The following RAB10 variants were observed in gnomAD, a reference collection of about 807,000 sequenced individuals.
RAB10 encodes the protein ras-related protein Rab-10.
A neutral mutation model predicts 25.7 loss-of-function variants in RAB10; 5 were observed. The observed-to-expected ratio is 0.19, with a 90% CI of 0.10 to 0.41. The LOEUF (loss-of-function observed/expected upper bound fraction) is 0.41. Among genes scored for constraint, RAB10 ranks in the 10% least tolerant of loss-of-function variants. RAB10 has a pLI of 1.00. For missense variants in RAB10, 103 were observed against 245.8 expected, an observed-to-expected ratio of 0.42 and a Z score of 3.89; for synonymous variants, 89 against 86.4, an observed-to-expected ratio of 1.03 and a Z score of -0.16.
chr2:26,070,936 A>G (rs1666612061), intron 1 of RAB10, among the ~76,000 whole-genome samples: 2 of 152,098 alleles, frequency 1.3e-5, no homozygotes, highest in South Asian at 2.1e-4. Flanking sequence ...CTTTTTCACT[A>G]TGTTGATGCT....
intron 1 of RAB10, among the ~76,000 whole-genome samples, chr2:26,097,989 T>TC (rs1311011697): frequency 2.0e-5 from 3 of 152,112 alleles, no homozygotes; most frequent in Non-Finnish European, 4.4e-5. Context: ...GCAATATTTT[T>TC]CCCCCACTAG....
rs187240187 is a variant in RAB10, at chr2:26,103,424, A to G, written c.188+4702A>G. Among the ~76,000 whole-genome samples, 265 of 152,296 alleles carry G rather than the reference A, an allele frequency of 1.7e-3. 1 individual carries two copies. Among genetic ancestry groups the G allele is most frequent in the Non-Finnish European group, 3.0e-3 (207 of 68,010 alleles). ...TGATTGGGGAAAAGAGTACCTCAAAATGAGAGGGGCTGGAGAAGGGTTTAA... is the reference window on the plus strand; with the variant it reads ...TGATTGGGGAAAAGAGTACCTCAAAGTGAGAGGGGCTGGAGAAGGGTTTAA... On this transcript the variant is annotated intron_variant, in intron 2 of 5. Coordinates refer to ENST00000264710, the MANE Select transcript of RAB10 (RefSeq NM_016131.5).
chr2:26,063,067 A>G (rs966833270), intron 1 of RAB10, among the ~76,000 whole-genome samples: 2 of 151,638 alleles, frequency 1.3e-5, no homozygotes, highest in African/African-American at 2.4e-5. Flanking sequence ...GTGAGCCGAC[A>G]TCACACCATT....
At chr2:26,082,342 G>C (rs1323214890) in intron 1 of RAB10, among the ~76,000 whole-genome samples, 1 of 152,058 alleles carries the variant, frequency 6.6e-6, no homozygotes, top group African/African-American at 2.4e-5. Flanking sequence ...CATCTAATCA[G>C]CGACCAAATC....
chr2:26,078,032 G>A (rs924923984), intron 1 of RAB10, among the ~76,000 whole-genome samples: 1 of 152,102 alleles, frequency 6.6e-6, no homozygotes, highest in African/African-American at 2.4e-5. Context: ...ACAAAAATCA[G>A]CTGTACACTA....
intron 1 of RAB10, among the ~76,000 whole-genome samples, chr2:26,073,790 G>A (rs1666676604): frequency 6.6e-6 from 1 of 152,194 alleles, no homozygotes. Context: ...GTACAGAAGG[G>A]AATGATTCGA....
At chr2:26,082,933 G>T (rs1031046894) in intron 1 of RAB10, among the ~76,000 whole-genome samples, 2 of 152,114 alleles carry the variant, frequency 1.3e-5, no homozygotes, top group Non-Finnish European at 2.9e-5. Context: ...ATGCAAGGTT[G>T]GTTTCACATT....
chr2:26,107,827 C>T (rs1471542682), intron 2 of RAB10, among the ~76,000 whole-genome samples: 2 of 150,144 alleles, frequency 1.3e-5, no homozygotes, highest in East Asian at 3.9e-4. Context: ...AAAAAACTAA[C>T]AATCCAATTA....
At chr2:26,065,339 A>G (rs1666492355) in intron 1 of RAB10, among the ~76,000 whole-genome samples, 1 of 152,116 alleles carries the variant, frequency 6.6e-6, no homozygotes, top group Non-Finnish European at 1.5e-5. Context: ...TGTTTTCTCC[A>G]GTATGGCTAT....
At chr2:26,121,007 G>A (rs1667793371) in intron 3 of RAB10, among the ~76,000 whole-genome samples, 1 of 151,854 alleles carries the variant, frequency 6.6e-6, no homozygotes, top group Non-Finnish European at 1.5e-5. Context: ...CACCTCCTGG[G>A]TTCAAGTGAT....
intron 1 of RAB10, among the ~76,000 whole-genome samples, chr2:26,052,119 T>C (rs1187831544): frequency 6.6e-6 from 1 of 151,550 alleles, no homozygotes; most frequent in African/African-American, 2.4e-5. Context: ...GACTTATGCC[T>C]GTAATCCTAG....
intron 3 of RAB10, among the ~76,000 whole-genome samples, chr2:26,112,688 A>G (rs539279925): frequency 6.6e-6 from 1 of 152,294 alleles, no homozygotes; most frequent in South Asian, 2.1e-4. Flanking sequence ...GCTTGAGCCC[A>G]AGAATTCAAG....
At chr2:26,052,397 G>A (rs1666157970) in intron 1 of RAB10, among the ~76,000 whole-genome samples, 1 of 150,898 alleles carries the variant, frequency 6.6e-6, no homozygotes, top group Admixed American at 6.6e-5. Context: ...AAGAAAAGAT[G>A]TTTTCAAGGT....
At chr2:26,102,227 T>G (rs1443445437) in intron 2 of RAB10, 1 of 152,204 alleles carries the variant, frequency 6.6e-6, no homozygotes, top group Admixed American at 6.5e-5. Context: ...TCCATAATGT[T>G]TTATTTATGT....
chr2:26,109,942 A>G, intron 3 of RAB10, 36 bp downstream of exon 3: 2 of 1,516,438 alleles, frequency 1.3e-6, no homozygotes, highest in Middle Eastern at 3.5e-4. Context: ...CTTCATGAAC[A>G]CACATTTGTG....
At chr2:26,051,233 G>C (rs2149264019) in intron 1 of RAB10, among the ~76,000 whole-genome samples, 1 of 151,950 alleles carries the variant, frequency 6.6e-6, no homozygotes, top group East Asian at 1.9e-4. Context: ...CACCATGCCT[G>C]GCATAAATTT....
intron 1 of RAB10, among the ~76,000 whole-genome samples, chr2:26,091,234 A>G (rs968897651): frequency 2.0e-5 from 3 of 152,182 alleles, no homozygotes; most frequent in Admixed American, 6.5e-5. Context: ...CATTTTGGCA[A>G]TGAGAGATGA....
chr2:26,096,549 C>A (rs2149279421), intron 1 of RAB10, among the ~76,000 whole-genome samples: 1 of 152,256 alleles, frequency 6.6e-6, no homozygotes, highest in African/African-American at 2.4e-5. Context: ...CTAGTAACTT[C>A]TTTTCTACTC....
chr2:26,036,387 G>C (rs79427699), intron 1 of RAB10, among the ~76,000 whole-genome samples: 1 of 152,198 alleles, frequency 6.6e-6, no homozygotes, highest in African/African-American at 2.4e-5. Flanking sequence ...TGGGCCGGGC[G>C]CGGTGGCTCA....
Sources: allele counts gnomAD v4.1 joint callset (sites outside exome capture counted in the v4.1 genomes callset), GRCh38; gene constraint gnomAD v4.1.1; transcripts MANE v1.5; gene names NCBI Gene and HGNC (gene_info 2026-07-23, HGNC 2026-07-21).